Variants in TKTL1 observed in about 807,000 individuals in gnomAD.
TKTL1 encodes the protein transketolase like 1.
Under a neutral mutation model 39.3 loss-of-function variants are expected in TKTL1, and 1 was observed. The observed-to-expected ratio is 0.03, with a 90% CI of 0.01 to 0.12. The LOEUF (loss-of-function observed/expected upper bound fraction) is 0.12. Ranked by LOEUF, TKTL1 falls within the 10% of genes least tolerant of loss-of-function variation. TKTL1 has a pLI of 1.00. For missense variants in TKTL1, 575 were observed against 509.6 expected (o/e 1.13, Z -1.24); for synonymous variants, 262 against 193.8 (o/e 1.35, Z -2.92).
intron 1 of TKTL1, among the ~76,000 whole-genome samples, chrX:154,297,048 G>A (rs782411892): frequency 3.3e-4 from 37 of 111,431 alleles, no homozygotes; most frequent in Non-Finnish European, 6.4e-4. Flanking sequence ...GTCTCAGTAC[G>A]TGGGGCCTGA....
At chrX:154,314,716 G>C (rs1240167679) in intron 6 of TKTL1, among the ~76,000 whole-genome samples, 1 of 110,819 alleles carries the variant, frequency 9.0e-6, no homozygotes, top group African/African-American at 3.3e-5. Flanking sequence ...GTAGAGACGG[G>C]GTTTCACCTT....
chrX:154,304,595 C>T (rs2067300386), intron 1 of TKTL1, among the ~76,000 whole-genome samples: 1 of 108,890 alleles, frequency 9.2e-6, no homozygotes, highest in Non-Finnish European at 1.9e-5. Flanking sequence ...GGGCCCATCC[C>T]TTCGCGGGTC....
At chrX:154,328,453 G>A (rs2067510277) in intron 12 of TKTL1, among the ~76,000 whole-genome samples, 1 of 100,640 alleles carries the variant, frequency 9.9e-6, no homozygotes, top group Admixed American at 1.1e-4. Context: ...GGTTGAGGCA[G>A]GAGAATCACT....
intron 1 of TKTL1, among the ~76,000 whole-genome samples, chrX:154,303,379 ATTTTTTTTTTTTTTT>A (rs1172255094): frequency 3.0e-5 from 1 of 33,674 alleles, no homozygotes; most frequent in Admixed American, 4.4e-4. Flanking sequence ...TGCCCAGCTA[ATTTTTTTTTTTTTTT>A]TTTTTTTTTT....
intron 8 of TKTL1, 69 bp downstream of exon 8, chrX:154,320,982 G>C (rs1557170611): frequency 9.3e-7 from 1 of 1,074,043 alleles, no homozygotes; most frequent in Non-Finnish European, 1.3e-6. Context: ...CATGTGATTG[G>C]TTAAACCACG....
chrX:154,305,736 A>T (rs2067310084), intron 2 of TKTL1, among the ~76,000 whole-genome samples: 2 of 109,959 alleles, frequency 1.8e-5, no homozygotes, highest in Admixed American at 1.9e-4. Flanking sequence ...GAGGAGAGGC[A>T]GGCAGCCTCA....
At position 154,309,422 on chromosome X, in the gene TKTL1, C is replaced by G; in HGVS notation, c.330C>G (p.Gly110=). 1.7e-6 allele frequency: 2 copies of G among 1,209,584 alleles called. No homozygotes were observed. The highest frequency in any genetic ancestry group is 3.5e-5 in the African/African-American group (2 of 57,494). ...LGVACGMAYT[G]KYFDRASYRV... ...TTGCATGTGGAATGGCATATACTGGCAAGTACTTCGACAGGGCCAGGTGAG... is the reference window on the plus strand; with the variant it reads ...TTGCATGTGGAATGGCATATACTGGGAAGTACTTCGACAGGGCCAGGTGAG... Residue 110 remains glycine (G), a synonymous_variant, in exon 3 of 13, where the codon GGC becomes GGG. Coordinates refer to ENST00000369915, the MANE Select transcript of TKTL1 (RefSeq NM_012253.4).
At chrX:154,308,943 G>A (rs782646539) in intron 2 of TKTL1, among the ~76,000 whole-genome samples, 7 of 110,932 alleles carry the variant, frequency 6.3e-5, no homozygotes, top group African/African-American at 2.3e-4. Flanking sequence ...TGCATGACCG[G>A]GAAGGGCCAT....
chrX:154,327,409 G>A (rs370034701), intron 10 of TKTL1, 182 bp from the exon 11 acceptor site: 435 of 565,803 alleles, frequency 7.7e-4, no homozygotes, highest in Admixed American at 1.1e-3. Flanking sequence ...CTGGAGCAGT[G>A]TAATTTCCTA....
chrX:154,300,391 C>T (rs928668907), intron 1 of TKTL1, among the ~76,000 whole-genome samples: 1 of 112,419 alleles, frequency 8.9e-6, no homozygotes, highest in Non-Finnish European at 1.9e-5. Context: ...AATATTGATT[C>T]TTCCTATCCA....
chrX:154,322,007 C>G (rs956436893), intron 8 of TKTL1, among the ~76,000 whole-genome samples: 6 of 110,263 alleles, frequency 5.4e-5, no homozygotes, highest in African/African-American at 2.0e-4. Flanking sequence ...CAAAGAAGAA[C>G]TGGAAGGCTG....
At position 154,295,813 on chromosome X, in the gene TKTL1, G is replaced by A. The variant is rs373400851; in HGVS notation, c.-47G>A. On this transcript the variant is annotated 5_prime_UTR_variant, in exon 1 of 13. Coordinates refer to ENST00000369915, the MANE Select transcript of TKTL1 (RefSeq NM_012253.4). Reference sequence around the variant, plus strand: ...CGCAGGCGCCATTCGCTCTTCAGACGCCGGAGACGTAGGAGTGGGTCTTCA... The same window carrying A: ...CGCAGGCGCCATTCGCTCTTCAGACACCGGAGACGTAGGAGTGGGTCTTCA... 1.9e-4 allele frequency: 229 copies of A among 1,189,436 alleles called. No homozygotes were observed. Among genetic ancestry groups the A allele is most frequent in the Non-Finnish European group, 2.4e-4 (208 of 883,282 alleles).
rs369450819 is a variant in TKTL1, at chrX:154,313,339, C to A, written c.864+566C>A. Among the ~76,000 whole-genome samples, 3 of 111,924 alleles carry A rather than the reference C, an allele frequency of 2.7e-5. No individual in the cohort carries two copies. In the South Asian group the frequency reaches 1.1e-3, roughly 41 times the overall value. ...AGGAGCAGGCCAATTCATCAGAAAC[C>A]TCAAAAAGGAATCAAATGATGCACA... On this transcript the variant is annotated intron_variant, in intron 6 of 12. Transcript: ENST00000369915.
At position 154,310,858 on chromosome X, in the gene TKTL1, A is replaced by T; in HGVS notation, c.373A>T (p.Ser125Cys). 1 of 1,210,824 alleles carries T rather than the reference A, an allele frequency of 8.3e-7. No individual in the cohort carries two copies. The highest frequency in any genetic ancestry group is 1.1e-6 in the Non-Finnish European group (1 of 894,922). Reference sequence around the variant, plus strand: ...CAGCTACCGGGTGTTCTGCCTCATGAGTGATGGCGAGTCCTCAGAAGGCTC... The same window carrying T: ...CAGCTACCGGGTGTTCTGCCTCATGTGTGATGGCGAGTCCTCAGAAGGCTC... Reference protein sequence around the residue: ...RASYRVFCLMSDGESSEGSVW... With the variant: ...RASYRVFCLMCDGESSEGSVW... Residue 125 changes from serine (S) to cysteine (C), a missense_variant, in exon 4 of 13, where the codon AGT becomes TGT. By Grantham distance (112) the Ser-to-Cys change is moderately radical (BLOSUM62 -1). Coordinates refer to ENST00000369915, the MANE Select transcript of TKTL1 (RefSeq NM_012253.4).
chrX:154,327,732 G>GT, intron 11 of TKTL1, 45 bp downstream of exon 11: 1 of 1,196,151 alleles, frequency 8.4e-7, no homozygotes, highest in Non-Finnish European at 1.1e-6. Flanking sequence ...CTGGGAAGAG[G>GT]TAGGACTTCA....
chrX:154,318,620 A>G (rs1328668778), intron 7 of TKTL1, among the ~76,000 whole-genome samples: 1 of 105,947 alleles, frequency 9.4e-6, no homozygotes, highest in Non-Finnish European at 1.9e-5. Flanking sequence ...AGGCAGGAGA[A>G]TGGCGTGAAC....
intron 5 of TKTL1, among the ~76,000 whole-genome samples, chrX:154,311,478 G>T (rs1196446640): frequency 8.9e-6 from 1 of 112,068 alleles, no homozygotes; most frequent in Non-Finnish European, 1.9e-5. Context: ...CAAGGGAGTG[G>T]CTAGGAGTAC....
intron 9 of TKTL1, among the ~76,000 whole-genome samples, 154 bp from the exon 10 acceptor site, chrX:154,325,185 G>A (rs782206392): frequency 8.0e-5 from 9 of 112,013 alleles, no homozygotes; most frequent in Non-Finnish European, 1.7e-4. Context: ...GGGACCTGTC[G>A]TCCACTGGTT....
rs781917600 is a variant in TKTL1 at position 154,327,915 on chromosome X, C to T, written c.1575C>T (p.Ala525=). 4 of 1,211,727 alleles carry T rather than the reference C, an allele frequency of 3.3e-6. No individual in the cohort carries two copies. The highest frequency in any genetic ancestry group is 4.5e-6 in the Non-Finnish European group (4 of 895,432). ...CCACCATCGTCTCCAGTGCAAAAGC[C>T]ACAGAGGGCCGGATCATTACAGTGG... ...DVATIVSSAK[A]TEGRIITVED... Residue 525 remains alanine (A), a synonymous_variant, in exon 12 of 13, where the codon GCC becomes GCT. Transcript: ENST00000369915.
Sources: gnomAD v4.1 joint callset for allele counts (sites outside exome capture counted in the v4.1 genomes callset) on GRCh38, gnomAD v4.1.1 for gene constraint, MANE v1.5 for transcripts, NCBI Gene and HGNC (gene_info 2026-07-23, HGNC 2026-07-21) for gene names.